CCDC186: variants seen among roughly 807,000 people sequenced by gnomAD.
CCDC186 encodes coiled-coil domain containing 186, also known as coiled-coil domain-containing protein 186.
CCDC186 carries 49 observed loss-of-function variants against 113.7 expected under a neutral mutation model. The observed-to-expected ratio is 0.43, with a 90% CI of 0.34 to 0.55. The LOEUF (loss-of-function observed/expected upper bound fraction) is 0.55. Among genes scored for constraint, CCDC186 ranks in the 20% least tolerant of loss-of-function variants. The pLI is 0.02. For missense variants in CCDC186, 890 were observed against 1,011.1 expected, an observed-to-expected ratio of 0.88 and a Z score of 1.62; for synonymous variants, 355 against 345.8, an observed-to-expected ratio of 1.03 and a Z score of -0.30.
chr10:114,169,838 A>G (rs2119819710), intron 1 of CCDC186, among the ~76,000 whole-genome samples: 1 of 152,264 alleles, frequency 6.6e-6, no homozygotes, highest in East Asian at 1.9e-4. Context: ...CCCCCAAATA[A>G]CTGACTTTTG....
In CCDC186 at chr10:114,122,954, G is replaced by T. The variant is rs563422760; in HGVS notation, c.*2189C>A. On this transcript the variant is annotated 3_prime_UTR_variant, in exon 16 of 16. Coordinates refer to ENST00000369287, the MANE Select transcript of CCDC186 (RefSeq NM_018017.4). The stretch of plus-strand genomic sequence containing the variant: ...GATGGTAGCACAAATATTAATACTG[G>T]AGTGTGCATTTTTGTCTAAAATGTA... The T allele has an allele frequency of 6.6e-6, 1 of 152,152 alleles. No individual in the cohort carries two copies. Among genetic ancestry groups the T allele is most frequent in the Admixed American group, 6.5e-5 (1 of 15,284 alleles). The allele number at this position is 152,152 out of a possible 1,614,324, so 9.4% of individuals were successfully genotyped here.
In CCDC186 at chr10:114,131,173, T is replaced by C; in HGVS notation, c.2075A>G (p.Lys692Arg). 1 of 1,566,604 alleles carries C rather than the reference T, an allele frequency of 6.4e-7. No homozygotes were observed. Among genetic ancestry groups the C allele is most frequent in the Non-Finnish European group, 8.6e-7 (1 of 1,160,114 alleles). Reference sequence around the variant, plus strand: ...TTGCTGAAGTTGTTTGGTGAGATCCTTGATACTAGAGGCATGTTTACGTCT... The same window carrying C: ...TTGCTGAAGTTGTTTGGTGAGATCCCTGATACTAGAGGCATGTTTACGTCT... ...TQRRKHASSI[K>R]DLTKQLQQAR... Residue 692 changes from lysine (K) to arginine (R), a missense_variant, in exon 12 of 16, where the codon AAG becomes AGG. Lys to Arg is a conservative substitution (Grantham distance 26, BLOSUM62 2). Coordinates refer to ENST00000369287, the MANE Select transcript of CCDC186 (RefSeq NM_018017.4).
intron 3 of CCDC186, among the ~76,000 whole-genome samples, chr10:114,155,812 T>G (rs1475681540): frequency 2.0e-5 from 3 of 152,238 alleles, no homozygotes; most frequent in African/African-American, 7.2e-5. Flanking sequence ...ATTTTTATAC[T>G]AACTCTTCTA....
intron 8 of CCDC186, 27 bp from the exon 9 acceptor site, chr10:114,136,004 A>C (rs763052230): frequency 6.3e-7 from 1 of 1,583,182 alleles, no homozygotes; most frequent in Admixed American, 1.7e-5. Context: ...AAGAAACAAC[A>C]AATCATAATG....
Position 114,165,644 on chromosome 10 carries a change from T to G in CCDC186, c.-61-2315A>C, listed in dbSNP as rs181086434. Among the ~76,000 whole-genome samples the G allele has an allele frequency of 3.6e-4, 55 of 152,072 alleles. 1 individual carries two copies. In the East Asian group the frequency reaches 8.5e-3, roughly 24 times the overall value. On this transcript the variant is annotated intron_variant, in intron 1 of 15. Transcript: ENST00000369287. ...GGCAGAGGTTGCAGTGAGCCAAGAT[T>G]GCGCCACTGCACTCCAGCCTGGGCG...
chr10:114,149,838 A>AGGCAGGCAGGCAGGCAGGCAGGCAGGC (rs1564913049), intron 4 of CCDC186, among the ~76,000 whole-genome samples: 40 of 107,764 alleles, frequency 3.7e-4, no homozygotes, highest in African/African-American at 1.6e-3. Flanking sequence ...GGAAGGCAGG[A>AGGCAGGCAGGCAGGCAGGCAGGCAGGC]AGGCAGGCAG....
chr10:114,147,108 T>A (rs1564911773), intron 4 of CCDC186, among the ~76,000 whole-genome samples: 1 of 152,180 alleles, frequency 6.6e-6, no homozygotes, highest in Non-Finnish European at 1.5e-5. Flanking sequence ...GCCAACAGAA[T>A]TAGATTTTTA....
intron 12 of CCDC186, 131 bp downstream of exon 12, chr10:114,131,016 C>T (rs1168131318): frequency 2.9e-6 from 2 of 696,940 alleles, no homozygotes; most frequent in Non-Finnish European, 4.2e-6. Flanking sequence ...AGAAGTTTAA[C>T]AATTTGGTTT....
At chr10:114,169,738 T>C (rs1396656315) in intron 1 of CCDC186, among the ~76,000 whole-genome samples, 1 of 152,218 alleles carries the variant, frequency 6.6e-6, no homozygotes, top group Non-Finnish European at 1.5e-5. Context: ...TCTTTCTGAC[T>C]AGTTCTATCA....
rs1295985546 is a variant in CCDC186, at chr10:114,126,019, C to T, written c.2480G>A (p.Arg827Gln). 19 of 1,613,852 alleles carry T rather than the reference C, an allele frequency of 1.2e-5. No individual in the cohort carries two copies. Among genetic ancestry groups the T allele is most frequent in the South Asian group, 2.2e-5 (2 of 91,084 alleles). The change falls in exon 15 of 16, where the codon CGG (arginine) becomes CAG (glutamine). Residue 827 changes from arginine (R) to glutamine (Q), a missense_variant. By Grantham distance (43) the Arg-to-Gln change is conservative (BLOSUM62 1). Transcript: ENST00000369287. ...SDFNKVHLSRRGGIMASLYTS... is the reference protein window; with the variant it reads ...SDFNKVHLSRQGGIMASLYTS... ...ATATAAAGATGCCATGATGCCACCC[C>T]GTCTACTTAAATGAACTTTGTTAAA...
Position 114,129,971 on chromosome 10 carries a change from G to A in CCDC186, c.2102C>T (p.Ala701Val), listed in dbSNP as rs755301395. Residue 701 changes from alanine (A) to valine (V), a missense_variant and splice_region_variant, in exon 13 of 16, where the codon GCA (alanine) becomes GTA (valine). Ala to Val is a moderately conservative substitution (Grantham distance 64, BLOSUM62 0). Transcript: ENST00000369287. ...CTCAACCTGATCTAATTTTCTTCGTGCTATAGGAAAAAGAAGATTATTCGT... is the reference window on the plus strand; with the variant it reads ...CTCAACCTGATCTAATTTTCTTCGTACTATAGGAAAAAGAAGATTATTCGT... The part of the protein sequence containing the change: ...IKDLTKQLQQ[A>V]RRKLDQVESG... The A allele has an allele frequency of 3.1e-6, 5 of 1,612,238 alleles. No individual in the cohort carries two copies. The highest frequency in any genetic ancestry group is 4.2e-6 in the Non-Finnish European group (5 of 1,178,904).
chr10:114,129,819 C>T (rs1449689836), intron 13 of CCDC186, 72 bp downstream of exon 13: 2 of 1,416,632 alleles, frequency 1.4e-6, no homozygotes, highest in East Asian at 4.7e-5. Context: ...TGTGAGCCAT[C>T]ACACCTGGCC....
Position 114,163,338 on chromosome 10 carries a change from T to C in CCDC186, c.-61-9A>G, listed in dbSNP as rs767324109. Reference sequence around the variant, plus strand: ...TGATCTTCGTTTTACATCTAAGAAATTGAAACATCAAAATTAAAAACCACT... The same window carrying C: ...TGATCTTCGTTTTACATCTAAGAAACTGAAACATCAAAATTAAAAACCACT... On this transcript the variant is annotated splice_polypyrimidine_tract_variant and intron_variant, in intron 1 of 15. Transcript: ENST00000369287. The C allele has an allele frequency of 1.2e-5, 19 of 1,536,084 alleles. No homozygotes were observed. Among genetic ancestry groups the C allele is most frequent in the Admixed American group, 4.4e-5 (2 of 45,784 alleles).
intron 1 of CCDC186, among the ~76,000 whole-genome samples, chr10:114,164,105 TA>T: frequency 7.8e-6 from 1 of 128,482 alleles, no homozygotes; most frequent in African/African-American, 3.4e-5. Context: ...TGTGTGTGTA[TA>T]TATATATATT....
intron 2 of CCDC186, among the ~76,000 whole-genome samples, chr10:114,160,045 A>G (rs1033023004): frequency 6.6e-6 from 1 of 152,104 alleles, no homozygotes; most frequent in Non-Finnish European, 1.5e-5. Context: ...TGAGGCAGGT[A>G]GATCACTTGA....
At chr10:114,159,440 C>G (rs1015871899) in intron 2 of CCDC186, among the ~76,000 whole-genome samples, 1 of 151,682 alleles carries the variant, frequency 6.6e-6, no homozygotes, top group African/African-American at 2.4e-5. Context: ...GTCAAGAGAC[C>G]GAGACCACCC....
chr10:114,159,640 CA>C (rs34339225), intron 2 of CCDC186, among the ~76,000 whole-genome samples: 7,313 of 55,578 alleles, frequency 0.13, 94 homozygotes, highest in African/African-American at 0.24. Context: ...GACTCCGTCT[CA>C]AAAAAAAAAA....
chr10:114,138,959 G>A (rs1340911821), intron 6 of CCDC186, among the ~76,000 whole-genome samples: 1 of 152,200 alleles, frequency 6.6e-6, no homozygotes, highest in Non-Finnish European at 1.5e-5. Flanking sequence ...CAGATCAGAT[G>A]CCGCCTACTC....
chr10:114,150,978 C>T (rs571500981), intron 4 of CCDC186, 114 bp downstream of exon 4: 24 of 1,208,540 alleles, frequency 2.0e-5, no homozygotes, highest in Admixed American at 2.6e-5. Flanking sequence ...ATAAAAGAAT[C>T]ACCTAGTATT....
Sources: allele counts gnomAD v4.1 joint callset (sites outside exome capture counted in the v4.1 genomes callset), GRCh38; gene constraint gnomAD v4.1.1; transcripts MANE v1.5; gene names NCBI Gene and HGNC (gene_info 2026-07-23, HGNC 2026-07-21).